Variants in UACA observed in about 807,000 individuals in gnomAD.
UACA encodes nuclear membrane binding protein.
A neutral mutation model predicts 160.5 loss-of-function variants in UACA; 112 were observed. The observed-to-expected ratio is 0.70, with a 90% CI of 0.60 to 0.82. UACA has a LOEUF of 0.82. Ranked by LOEUF, UACA falls within the 40% of genes least tolerant of loss-of-function variation. The pLI, the probability that UACA is intolerant of heterozygous loss-of-function variation, is 0.00. For missense variants in UACA, 1,574 were observed against 1,614.6 expected (o/e 0.97, Z 0.43); for synonymous variants, 557 against 568.4 (o/e 0.98, Z 0.29).
At chr15:70,775,050 C>A in the UACA span, among the ~76,000 whole-genome samples, 1 of 151,956 alleles carries the variant, frequency 6.6e-6, no homozygotes, top group African/African-American at 2.4e-5. Context: ...AAGAGTGAGA[C>A]CCAGTCTCAA....
intron 5 of UACA, 113 bp from the exon 6 acceptor site, chr15:70,687,933 C>CAG: frequency 1.1e-6 from 1 of 919,622 alleles, no homozygotes; most frequent in Non-Finnish European, 1.7e-6. Context: ...TACCAAGCTT[C>CAG]ACGTCCTTCA....
At chr15:70,687,143 A>G (rs965686819) in intron 7 of UACA, among the ~76,000 whole-genome samples, 16 of 152,228 alleles carry the variant, frequency 1.1e-4, no homozygotes, top group Non-Finnish European at 1.5e-5. Flanking sequence ...CACTTTACTC[A>G]AAAGATTCAC....
intron 2 of UACA, among the ~76,000 whole-genome samples, chr15:70,697,049 T>C (rs1234526452): frequency 2.6e-5 from 4 of 152,198 alleles, no homozygotes; most frequent in Non-Finnish European, 5.9e-5. Context: ...AAATACTATT[T>C]TGCAATTTAA....
At chr15:70,746,596 C>T (rs1359391393) in intron 1 of UACA, among the ~76,000 whole-genome samples, 1 of 152,094 alleles carries the variant, frequency 6.6e-6, no homozygotes. Context: ...GGATCTAGAA[C>T]TAGAAATACC....
In UACA at chr15:70,655,842, GA is replaced by G. The variant is rs1379691136; in HGVS notation, c.*1213del. On this transcript the variant is annotated 3_prime_UTR_variant, in exon 19 of 19. Coordinates refer to ENST00000322954, the MANE Select transcript of UACA (RefSeq NM_018003.4). ...TGCTAAGGCAAATTTTGCAATTTGA[GA>G]AAACCTAACTGTAATGATCCATTTA... The G allele has an allele frequency of 2.0e-5, 3 of 152,128 alleles. No homozygotes were observed. Among genetic ancestry groups the G allele is most frequent in the African/African-American group, 7.2e-5 (3 of 41,426 alleles). The allele number at this position is 152,128 out of a possible 1,614,324, so 9.4% of individuals were successfully genotyped here.
rs1001281382 is a variant in UACA, at chr15:70,726,624, C to G, written c.79-26964G>C. ...GATCACATGTTAAGAAATAAACACTCAGAATACTAATGAAAGGGAATAGCC... is the reference window on the plus strand; with the variant it reads ...GATCACATGTTAAGAAATAAACACTGAGAATACTAATGAAAGGGAATAGCC... On this transcript the variant is annotated intron_variant, in intron 1 of 18. Transcript: ENST00000322954. 3.3e-5 allele frequency among the ~76,000 whole-genome samples: 5 copies of G among 152,234 alleles called. 1 individual carries two copies. The South Asian group carries it at 8.3e-4, about 25-fold the overall frequency.
At chr15:70,762,042 T>C (rs890660052) in intron 1 of UACA, among the ~76,000 whole-genome samples, 3 of 152,194 alleles carry the variant, frequency 2.0e-5, no homozygotes, top group Admixed American at 1.3e-4. Flanking sequence ...TTCTGCCAGT[T>C]ACTTTTTTTA....
At chr15:70,724,226 C>A (rs1381061987) in intron 1 of UACA, among the ~76,000 whole-genome samples, 2 of 152,114 alleles carry the variant, frequency 1.3e-5, no homozygotes, top group Non-Finnish European at 2.9e-5. Flanking sequence ...TTAAAGAATT[C>A]TTTCTAAACC....
intron 14 of UACA, 58 bp from the exon 15 acceptor site, chr15:70,671,149 A>G: frequency 8.3e-7 from 1 of 1,208,334 alleles, no homozygotes; most frequent in Non-Finnish European, 1.2e-6. Flanking sequence ...AAGTAGGCTA[A>G]ACATTAATTT....
Position 70,667,627 on chromosome 15 carries a change from A to G in UACA, c.3057T>C (p.Ser1019=), listed in dbSNP as rs2140901522. 1 of 1,612,756 alleles carries G rather than the reference A, an allele frequency of 6.2e-7. No homozygotes were observed. The highest frequency in any genetic ancestry group is 2.2e-5 in the East Asian group (1 of 44,874). The part of the protein sequence containing the change: ...LSEQTQKYSV[S]EEEVKKNKQE... ...GCTTGTTTTTCTTGACTTCTTCTTC[A>G]CTGACACTATACTTTTGTGTCTGCT... Residue 1019 remains serine, a synonymous_variant, in exon 16 of 19, where the codon AGT becomes AGC. Transcript: ENST00000322954.
chr15:70,703,107 G>C (rs769713305), intron 1 of UACA: 1 of 1,288,972 alleles, frequency 7.8e-7, no homozygotes, highest in Non-Finnish European at 1.0e-6. Flanking sequence ...CATTCTCTAC[G>C]ATAGCATACT....
At chr15:70,753,907 G>A (rs765794193) in intron 1 of UACA, among the ~76,000 whole-genome samples, 14 of 152,124 alleles carry the variant, frequency 9.2e-5, no homozygotes, top group Non-Finnish European at 1.6e-4. Context: ...CCAGGTTCAC[G>A]CCATTGTCCT....
intron 1 of UACA, among the ~76,000 whole-genome samples, chr15:70,738,728 A>G (rs1474779800): frequency 1.3e-5 from 2 of 152,240 alleles, no homozygotes; most frequent in African/African-American, 4.8e-5. Context: ...AGAAACATTC[A>G]TCCAAAAAAA....
the UACA span, among the ~76,000 whole-genome samples, chr15:70,772,425 G>A: frequency 1.7e-4 from 25 of 150,806 alleles, no homozygotes; most frequent in African/African-American, 4.6e-4. Context: ...CCCAGGAGGC[G>A]GGGCTTGCAG....
At chr15:70,678,002 T>G (rs1314763537) in intron 11 of UACA, 97 bp downstream of exon 11, 10 of 860,578 alleles carry the variant, frequency 1.2e-5, no homozygotes, top group Non-Finnish European at 5.3e-6. Flanking sequence ...TCCTCTGAAG[T>G]GCAATGAGCT....
At chr15:70,686,043 A>G (rs1897703340) in intron 7 of UACA, among the ~76,000 whole-genome samples, 2 of 152,162 alleles carry the variant, frequency 1.3e-5, no homozygotes, top group South Asian at 4.1e-4. Context: ...ATTTAATTTT[A>G]AAATCCAATT....
Position 70,667,614 on chromosome 15 carries a change from T to C in UACA, c.3070A>G (p.Lys1024Glu). ...TTGTCATTCTCTTGCTTGTTTTTCT[T>C]GACTTCTTCTTCACTGACACTATAC... ...QKYSVSEEEV[K>E]KNKQENDKLK... The change falls in exon 16 of 19, where the codon AAG (lysine) becomes GAG (glutamate). Residue 1024 changes from lysine (K) to glutamate (E), a missense_variant. Coordinates refer to ENST00000322954, the MANE Select transcript of UACA (RefSeq NM_018003.4). 1.2e-6 allele frequency: 2 copies of C among 1,612,944 alleles called. No individual in the cohort carries two copies. The highest frequency in any genetic ancestry group is 1.7e-6 in the Non-Finnish European group (2 of 1,179,962).
chr15:70,672,116 G>C, intron 13 of UACA, 115 bp from the exon 14 acceptor site: 3 of 832,126 alleles, frequency 3.6e-6, no homozygotes, highest in Non-Finnish European at 5.3e-6. Flanking sequence ...TGACATTCTT[G>C]TTTCTCCAGA....
intron 1 of UACA, among the ~76,000 whole-genome samples, chr15:70,759,514 G>C (rs1041086156): frequency 2.6e-5 from 4 of 152,202 alleles, no homozygotes; most frequent in African/African-American, 9.7e-5. Context: ...AATGAGCCGG[G>C]CATGGTGGCA....
Sources: allele counts gnomAD v4.1 joint callset (sites outside exome capture counted in the v4.1 genomes callset), GRCh38; gene constraint gnomAD v4.1.1; transcripts MANE v1.5; gene names NCBI Gene and HGNC (gene_info 2026-07-23, HGNC 2026-07-21).